CECR2: variants seen among roughly 807,000 people sequenced by gnomAD.
The protein encoded by CECR2 is CECR2 histone acetyl-lysine reader.
A neutral mutation model predicts 154.5 loss-of-function variants in CECR2; 30 were observed. That is an observed-to-expected ratio of 0.19 (90% CI 0.15 to 0.26). CECR2 has a LOEUF of 0.26. Among genes scored for constraint, CECR2 ranks in the 10% least tolerant of loss-of-function variants. The pLI is 1.00. For missense variants in CECR2, 1,743 were observed against 1,829.3 expected, an observed-to-expected ratio of 0.95 and a Z score of 0.86; for synonymous variants, 725 against 683.7, an observed-to-expected ratio of 1.06 and a Z score of -0.94.
intron 2 of CECR2, among the ~76,000 whole-genome samples, chr22:17,494,833 T>G (rs181717218): frequency 2.6e-5 from 4 of 152,136 alleles, no homozygotes; most frequent in Non-Finnish European, 4.4e-5. Flanking sequence ...TAGCTGGGAC[T>G]ACAGGCACAC....
chr22:17,541,081 G>A (rs1191606708), intron 14 of CECR2, among the ~76,000 whole-genome samples: 2 of 152,166 alleles, frequency 1.3e-5, no homozygotes, highest in Non-Finnish European at 2.9e-5. Context: ...ACTGTGTCTA[G>A]CCATTCCTTT....
At chr22:17,432,994 G>A (rs114172345) in intron 1 of CECR2, among the ~76,000 whole-genome samples, 2,126 of 152,194 alleles carry the variant, frequency 0.014, 46 homozygotes, top group African/African-American at 0.049. Flanking sequence ...GTTTTTCCTG[G>A]TACATTTCTA....
rs572675875 is a variant in CECR2, at chr22:17,370,794, C to T, written c.126+885C>T. Among the ~76,000 whole-genome samples, 81 of 152,372 alleles carry T rather than the reference C, an allele frequency of 5.3e-4. 2 individuals are homozygous for T. The South Asian group carries it at 0.016, about 31-fold the overall frequency. ...GGCCAGGCATCGGCCAGCCCAGCGG[C>T]AGCCCCCTTTCTCCTATTTTTATTT... is the stretch of plus-strand genomic sequence containing the variant. On this transcript the variant is annotated intron_variant, in intron 1 of 18. Coordinates refer to ENST00000262608, the MANE Select transcript of CECR2 (RefSeq NM_001290047.2).
rs1358964249 is a variant in CECR2, at chr22:17,558,047, T to G, written c.*5207T>G. ...TAGTTCAATATTGTGTGTTGGATAA[T>G]TTTTTAAAAGAACTTTTTAAAAAGC... On this transcript the variant is annotated 3_prime_UTR_variant, in exon 19 of 19. Coordinates refer to ENST00000262608, the MANE Select transcript of CECR2 (RefSeq NM_001290047.2). 2.0e-5 allele frequency: 3 copies of G among 152,262 alleles called. No individual in the cohort carries two copies. The highest frequency in any genetic ancestry group is 1.3e-4 in the Admixed American group (2 of 15,288). 9.4% of individuals were successfully genotyped at this position (152,262 alleles called of 1,614,324 possible).
At chr22:17,476,218 C>G (rs1331870513) in intron 1 of CECR2, among the ~76,000 whole-genome samples, 1 of 151,040 alleles carries the variant, frequency 6.6e-6, no homozygotes, top group Non-Finnish European at 1.5e-5. Context: ...CCCTTTTCTT[C>G]TCAGCTCCCA....
intron 1 of CECR2, among the ~76,000 whole-genome samples, chr22:17,435,684 TAAAAAAAAAAAAAAAA>T (rs10694414): frequency 4.4e-5 from 4 of 90,944 alleles, no homozygotes; most frequent in African/African-American, 8.0e-5. Flanking sequence ...TTTTAATTCT[TAAAAAAAAAAAAAAAA>T]AAAAAAAAAA....
intron 1 of CECR2, among the ~76,000 whole-genome samples, chr22:17,465,457 G>A (rs938083154): frequency 1.3e-5 from 2 of 151,864 alleles, no homozygotes; most frequent in Non-Finnish European, 2.9e-5. Context: ...AGCCTCCCTA[G>A]TAGCTGGGAT....
chr22:17,533,335 A>G (rs2056388162), intron 9 of CECR2, among the ~76,000 whole-genome samples: 1 of 148,064 alleles, frequency 6.8e-6, no homozygotes, highest in African/African-American at 2.5e-5. Flanking sequence ...AAAAAAAAAA[A>G]AAAAATTATG....
chr22:17,531,383 A>G (rs1003914233), intron 9 of CECR2, among the ~76,000 whole-genome samples: 1 of 152,158 alleles, frequency 6.6e-6, no homozygotes, highest in African/African-American at 2.4e-5. Context: ...TCAGCAAGCA[A>G]ATGGAAGGAA....
chr22:17,516,553 C>T (rs1307880458), intron 8 of CECR2, among the ~76,000 whole-genome samples: 1 of 152,116 alleles, frequency 6.6e-6, no homozygotes, highest in East Asian at 1.9e-4. Context: ...GGACTTCCCC[C>T]TTGCTGTTCT....
intron 1 of CECR2, among the ~76,000 whole-genome samples, chr22:17,445,850 C>T (rs1363803786): frequency 6.6e-6 from 1 of 152,128 alleles, no homozygotes; most frequent in African/African-American, 2.4e-5. Flanking sequence ...GCCTCAGCCT[C>T]CCAAAGTGCT....
intron 1 of CECR2, among the ~76,000 whole-genome samples, chr22:17,405,870 C>T (rs567649726): frequency 6.6e-6 from 1 of 152,254 alleles, no homozygotes; most frequent in East Asian, 1.9e-4. Flanking sequence ...TACCTTAGTG[C>T]ACTGTCTAGA....
intron 1 of CECR2, among the ~76,000 whole-genome samples, chr22:17,371,374 A>G (rs1482529737): frequency 6.6e-6 from 1 of 152,226 alleles, no homozygotes. Flanking sequence ...GGAAGAGGTA[A>G]TAACGGGCAT....
intron 2 of CECR2, among the ~76,000 whole-genome samples, chr22:17,482,614 A>G (rs541875399): frequency 1.4e-4 from 22 of 151,728 alleles, no homozygotes; most frequent in African/African-American, 4.6e-4. Context: ...GCTCCCTGCA[A>G]TCTCCACCTC....
rs1008416986 is a variant in CECR2, at chr22:17,503,104, T to G, written c.673T>G (p.Leu225Val). Reference protein sequence around the residue: ...LLSEKQEENSLASEPQTRHGS... With the variant: ...LLSEKQEENSVASEPQTRHGS... Reference sequence around the variant, plus strand: ...CAGTGAAAAGCAGGAAGAAAATTCCTTGGCATCCGAGCCACAGACAAGACA... The same window carrying G: ...CAGTGAAAAGCAGGAAGAAAATTCCGTGGCATCCGAGCCACAGACAAGACA... Residue 225 changes from leucine (L) to valine (V), a missense_variant, in exon 6 of 19, where the codon TTG becomes GTG. This residue lies in a region of CECR2 where 292 missense variants were observed against 301.2 expected (regional missense o/e 0.97). Transcript: ENST00000262608. 6.8e-6 allele frequency: 11 copies of G among 1,610,964 alleles called. No homozygotes were observed. The highest frequency in any genetic ancestry group is 7.6e-6 in the Non-Finnish European group (9 of 1,178,678).
At chr22:17,508,436 T>G (rs2055885050) in intron 7 of CECR2, among the ~76,000 whole-genome samples, 1 of 152,118 alleles carries the variant, frequency 6.6e-6, no homozygotes, top group African/African-American at 2.4e-5. Flanking sequence ...TCTATTTATG[T>G]ATGTTTAGAT....
chr22:17,429,534 T>C (rs2054386161), intron 1 of CECR2, among the ~76,000 whole-genome samples: 1 of 98,860 alleles, frequency 1.0e-5, no homozygotes, highest in Admixed American at 1.1e-4. Context: ...CAACCCCATC[T>C]CTACCAAAAA....
intron 1 of CECR2, among the ~76,000 whole-genome samples, chr22:17,383,579 A>T (rs1399087400): frequency 6.6e-6 from 1 of 151,908 alleles, no homozygotes; most frequent in Admixed American, 6.6e-5. Context: ...CCAGGTTAAA[A>T]AAGAAAAGAA....
In CECR2 at chr22:17,456,048, C is replaced by T. The variant is rs188497822; in HGVS notation, c.127-21540C>T. 4.9e-4 allele frequency among the ~76,000 whole-genome samples: 74 copies of T among 152,156 alleles called. No individual in the cohort carries two copies. In the East Asian group the frequency reaches 0.012, roughly 25 times the overall value. On this transcript the variant is annotated intron_variant, in intron 1 of 18. Transcript: ENST00000262608. Reference sequence around the variant, plus strand: ...ACCCACATTTTCTTCTAGTTTTCACCATTGTATTTTAAATATTTAACTATT... The same window carrying T: ...ACCCACATTTTCTTCTAGTTTTCACTATTGTATTTTAAATATTTAACTATT...
Sources: gnomAD v4.1 joint callset for allele counts (sites outside exome capture counted in the v4.1 genomes callset) on GRCh38, gnomAD v4.1.1 for gene constraint, gnomAD v4.1.1 regional missense constraint, MANE v1.5 for transcripts, NCBI Gene and HGNC (gene_info 2026-07-23, HGNC 2026-07-21) for gene names.